Variants in RIF1 observed in about 807,000 individuals in gnomAD.
The protein encoded by RIF1 is telomere-associated protein RIF1.
RIF1 carries 45 observed loss-of-function variants against 247.1 expected under a neutral mutation model. That is an observed-to-expected ratio of 0.18 (90% CI 0.14 to 0.23). The LOEUF is 0.23. RIF1 is among the 10% of genes least tolerant of loss of function. The probability of loss-of-function intolerance (pLI) is 1.00; values close to 1 mark genes in which losing one functional copy is unlikely to be tolerated. For synonymous variants in RIF1, 1,087 were observed against 978.8 expected (o/e 1.11, Z -2.06); for missense variants, 2,967 against 2,862.5 (o/e 1.04, Z -0.83).
rs1197336649 is a variant in RIF1 at position 151,465,050 on chromosome 2, A to G, written c.5530A>G (p.Ser1844Gly). 1 of 1,590,860 alleles carries G rather than the reference A, an allele frequency of 6.3e-7. No individual in the cohort carries two copies. The highest frequency in any genetic ancestry group is 1.9e-5 in the Admixed American group (1 of 53,220). Reference sequence around the variant, plus strand: ...AGAGGAAATTTGTGATATGGATTCTAGTGAAGCAATGTCTCTTGAAAGCCA... The same window carrying G: ...AGAGGAAATTTGTGATATGGATTCTGGTGAAGCAATGTCTCTTGAAAGCCA... ...FREEICDMDSSEAMSLESQES... is the reference protein window; with the variant it reads ...FREEICDMDSGEAMSLESQES... The change falls in exon 30 of 36, where the codon AGT becomes GGT. Residue 1844 changes from serine to glycine, a missense_variant. Physicochemically the swap from Ser to Gly is moderately conservative, Grantham distance 56 (BLOSUM62 0). Coordinates refer to ENST00000444746, the MANE Select transcript of RIF1 (RefSeq NM_018151.5).
chr2:151,497,556 T>TATTA lies in RIF1; in HGVS notation c.*514-1788_*514-1785dup, dbSNP rs1254569652. On this transcript the variant is annotated intron_variant and NMD_transcript_variant, in intron 10 of 13. Transcript: ENST00000454583. The stretch of plus-strand genomic sequence containing the variant: ...GTCTTTAAAAAGTAGGATTAATACG[T>TATTA]ATTATTTTAAATCATGAAAGTTTTC... The TATTA allele has an allele frequency of 5.9e-6, 9 of 1,528,186 alleles. No homozygotes were observed. In the African/African-American group the frequency reaches 1.1e-4, roughly 19 times the overall value. 94.7% of individuals were successfully genotyped at this position (1,528,186 alleles called of 1,614,324 possible).
chr2:151,531,091 T>C, the RIF1 span: 1 of 1,605,198 alleles, frequency 6.2e-7, no homozygotes, highest in Admixed American at 1.7e-5. Flanking sequence ...GTATTCCAAT[T>C]TATAAAGGAT....
At chr2:151,443,900 A>AT (rs1393531592) in intron 18 of RIF1, among the ~76,000 whole-genome samples, 191 bp downstream of exon 18, 2 of 152,222 alleles carry the variant, frequency 1.3e-5, no homozygotes, top group African/African-American at 4.8e-5. Context: ...CTATAACTTA[A>AT]TGGGGACTAA....
intron 13 of RIF1, 49 bp downstream of exon 13, chr2:151,437,400 G>A (rs371696900): frequency 7.0e-7 from 1 of 1,419,068 alleles, no homozygotes; most frequent in East Asian, 2.3e-5. Flanking sequence ...TTAAAAAGAA[G>A]AAAAAATAGG....
rs1264846462 is a variant in RIF1 at position 151,435,494 on chromosome 2, G to A, written c.1109G>A (p.Ser370Asn). Residue 370 changes from serine to asparagine, a missense_variant, in exon 11 of 36, where the codon AGC (serine) becomes AAC (asparagine). Physicochemically the swap from Ser to Asn is conservative, Grantham distance 46. This residue lies in a region of RIF1 where 369 missense variants were observed against 322.0 expected (regional missense o/e 1.15). Coordinates refer to ENST00000444746, the MANE Select transcript of RIF1 (RefSeq NM_018151.5). Reference sequence around the variant, plus strand: ...GTGCCTCTGATTCAAAGTACAATAAGCATTGATTCTAATGCCTCACCTCAG... The same window carrying A: ...GTGCCTCTGATTCAAAGTACAATAAACATTGATTCTAATGCCTCACCTCAG... ...VCVPLIQSTI[S>N]IDSNASPQGN... 19 of 1,612,032 alleles carry A rather than the reference G, an allele frequency of 1.2e-5. 2 individuals carry two copies. Among genetic ancestry groups the A allele is most frequent in the South Asian group, 8.8e-5 (8 of 91,038 alleles).
At position 151,505,590 on chromosome 2, in the gene RIF1, AAAAG is replaced by A. The variant is rs745988264; in HGVS notation, c.*862-615_*862-612del. ...CTTCACCTGCAGATTTAAAAATGGG[AAAAG>A]AAAGGTATTATTACATGCTGGACTG... On this transcript the variant is annotated intron_variant and NMD_transcript_variant, in intron 12 of 13. Transcript: ENST00000454583. 14 of 1,576,254 alleles carry A rather than the reference AAAAG, an allele frequency of 8.9e-6. No homozygotes were observed. In the African/African-American group the frequency reaches 1.5e-4, roughly 17 times the overall value.
At chr2:151,411,431 T>C in intron 3 of RIF1, 93 bp downstream of exon 3, 1 of 797,456 alleles carries the variant, frequency 1.3e-6, no homozygotes, top group South Asian at 1.7e-5. Context: ...AGTTTTGCTC[T>C]TGTTGCCCAG....
At chr2:151,425,095 T>C (rs1688811300) in intron 8 of RIF1, among the ~76,000 whole-genome samples, 1 of 152,038 alleles carries the variant, frequency 6.6e-6, no homozygotes, top group Non-Finnish European at 1.5e-5. Context: ...TTGATAGCCA[T>C]CCTAGTGAAT....
chr2:151,486,025 C>T (rs2050029090), downstream of RIF1: 4 of 1,320,738 alleles, frequency 3.0e-6, no homozygotes, highest in East Asian at 4.8e-5. Flanking sequence ...TGACTGACTC[C>T]ACAAACTTAA....
At chr2:151,439,713 G>A (rs1422562866) in intron 14 of RIF1, among the ~76,000 whole-genome samples, 2 of 151,052 alleles carry the variant, frequency 1.3e-5, no homozygotes, top group African/African-American at 4.9e-5. Flanking sequence ...GCCAGGCATG[G>A]TGGCTGACGT....
downstream of RIF1, chr2:151,508,017 C>T (rs775150466): frequency 2.5e-6 from 4 of 1,607,160 alleles, no homozygotes; most frequent in Middle Eastern, 1.6e-4. Flanking sequence ...GGCTGAAGTT[C>T]TTTTGGTTCT....
chr2:151,465,859 TCAC>T lies in RIF1; in HGVS notation c.6342_6344del (p.His2115del). On this transcript the variant is annotated inframe_deletion, in exon 30 of 36. Coordinates refer to ENST00000444746, the MANE Select transcript of RIF1 (RefSeq NM_018151.5). Reference sequence around the variant, plus strand: ...TGGAAAGTGATATTTTACAGGAAGATCACCATACTTCACAGAAAGTGGAGGAAC... The same window carrying T: ...TGGAAAGTGATATTTTACAGGAAGATCATACTTCACAGAAAGTGGAGGAAC... 2.5e-6 allele frequency: 4 copies of T among 1,613,200 alleles called. No individual in the cohort carries two copies. The South Asian group carries it at 3.3e-5, about 13-fold the overall frequency.
At position 151,410,416 on chromosome 2, in the gene RIF1, T is replaced by A; in HGVS notation, c.-8T>A. 1.2e-6 allele frequency: 2 copies of A among 1,611,698 alleles called. No individual in the cohort carries two copies. The highest frequency in any genetic ancestry group is 1.7e-6 in the Non-Finnish European group (2 of 1,179,052). On this transcript the variant is annotated splice_region_variant and 5_prime_UTR_variant, in exon 2 of 36. Transcript: ENST00000444746. ...TCCTCTTCCGGTTCGGGCCTCAGGG[T>A]GGCCGACATGACGGCCAGGGGTCAG...
downstream of RIF1, among the ~76,000 whole-genome samples, chr2:151,487,056 TGC>T (rs2051185425): frequency 1.3e-5 from 2 of 152,232 alleles, no homozygotes; most frequent in East Asian, 3.8e-4. Context: ...TGTGTGTGTG[TGC>T]GCATGTGCGT....
At chr2:151,490,195 A>G in intron 9 of RIF1, 1 of 1,168,254 alleles carries the variant, frequency 8.6e-7, no homozygotes. Context: ...CCAAAAAGAG[A>G]AATCAAAGAA....
At position 151,468,666 on chromosome 2, in the gene RIF1, T is replaced by A; in HGVS notation, c.6851T>A (p.Ile2284Lys). 6.2e-7 allele frequency: 1 copy of A among 1,614,068 alleles called. No homozygotes were observed. Among genetic ancestry groups the A allele is most frequent in the Non-Finnish European group, 8.5e-7 (1 of 1,179,902 alleles). Reference sequence around the variant, plus strand: ...ATTTCAGAAATGGCCAAAGAATCCATACCATGCCCAACAGAAAGTGTTTAC... The same window carrying A: ...ATTTCAGAAATGGCCAAAGAATCCAAACCATGCCCAACAGAAAGTGTTTAC... ...CLISEMAKES[I>K]PCPTESVYPP... The change falls in exon 33 of 36, where the codon ATA becomes AAA. Residue 2284 changes from isoleucine to lysine, a missense_variant. Ile to Lys is a moderately radical substitution (Grantham distance 102). This residue lies in a region of RIF1 where 2,028 missense variants were observed against 1,825.6 expected (regional missense o/e 1.11). Transcript: ENST00000444746.
chr2:151,416,156 C>T (rs1687190306), intron 4 of RIF1, among the ~76,000 whole-genome samples: 1 of 152,200 alleles, frequency 6.6e-6, no homozygotes, highest in African/African-American at 2.4e-5. Context: ...AAAGTTGTTA[C>T]CATCTGTTTT....
chr2:151,409,903 G>A lies in RIF1; in HGVS notation c.-141G>A, dbSNP rs1404279734. ...TCCCGCGCACTCCTGGGCCCGCCCA[G>A]CCGCCATCTTGGTCTAGGAGGGAGC... On this transcript the variant is annotated 5_prime_UTR_variant, in exon 1 of 36. Coordinates refer to ENST00000444746, the MANE Select transcript of RIF1 (RefSeq NM_018151.5). 2.9e-6 allele frequency: 2 copies of A among 698,312 alleles called. No individual in the cohort carries two copies. The highest frequency in any genetic ancestry group is 5.2e-6 in the Non-Finnish European group (2 of 382,810). 43.3% of individuals were successfully genotyped at this position (698,312 alleles called of 1,614,324 possible).
At chr2:151,431,751 C>T (rs1348117878) in intron 9 of RIF1, among the ~76,000 whole-genome samples, 1 of 151,434 alleles carries the variant, frequency 6.6e-6, no homozygotes, top group Non-Finnish European at 1.5e-5. Flanking sequence ...GCACTCCAGC[C>T]TGGGCAACAA....
Sources: allele counts gnomAD v4.1 joint callset (sites outside exome capture counted in the v4.1 genomes callset), GRCh38; gene constraint gnomAD v4.1.1; regional missense constraint gnomAD v4.1.1; transcripts MANE v1.5; gene names NCBI Gene and HGNC (gene_info 2026-07-23, HGNC 2026-07-21).